Variants in DYNC1I2 observed in about 807,000 individuals in gnomAD.
DYNC1I2 encodes the protein cytoplasmic dynein 1 intermediate chain 2.
In DYNC1I2, 53 loss-of-function variants were observed where a neutral mutation model predicts 88.6. The observed-to-expected ratio is 0.60, with a 90% CI of 0.48 to 0.75. DYNC1I2 has a LOEUF of 0.75. Ranked by LOEUF, DYNC1I2 falls within the 30% of genes least tolerant of loss-of-function variation. The probability of loss-of-function intolerance (pLI) is 0.00; values close to 1 mark genes in which losing one functional copy is unlikely to be tolerated. For missense variants in DYNC1I2, 458 were observed against 766.6 expected (o/e 0.60, Z 4.75); for synonymous variants, 198 against 254.6 (o/e 0.78, Z 2.12).
intron 5 of DYNC1I2, among the ~76,000 whole-genome samples, chr2:171,712,236 C>T (rs1249381084): frequency 6.6e-6 from 1 of 152,028 alleles, no homozygotes; most frequent in Non-Finnish European, 1.5e-5. Flanking sequence ...ATTTTGTATC[C>T]CAGTGGGATA....
intron 5 of DYNC1I2, among the ~76,000 whole-genome samples, chr2:171,708,040 A>G (rs931100508): frequency 7.4e-5 from 11 of 147,970 alleles, no homozygotes; most frequent in African/African-American, 2.2e-4. Flanking sequence ...TGGGAAAAGT[A>G]TTACTACTTA....
At chr2:171,744,816 A>G (rs948983300) in intron 16 of DYNC1I2, among the ~76,000 whole-genome samples, 1 of 152,176 alleles carries the variant, frequency 6.6e-6, no homozygotes, top group African/African-American at 2.4e-5. Context: ...AGAGAAGCTT[A>G]AAAATGTTCT....
chr2:171,706,025 T>G (rs1189771537), intron 3 of DYNC1I2, among the ~76,000 whole-genome samples: 2 of 152,100 alleles, frequency 1.3e-5, no homozygotes, highest in African/African-American at 4.8e-5. Flanking sequence ...TCATAATATA[T>G]TATACATTTT....
chr2:171,742,167 TTTTTTTTA>T (rs1559409020), intron 15 of DYNC1I2, among the ~76,000 whole-genome samples: 1 of 151,804 alleles, frequency 6.6e-6, no homozygotes, highest in African/African-American at 2.4e-5. Flanking sequence ...TCCAACTTTA[TTTTTTTTA>T]TTTTTTTATT....
intron 7 of DYNC1I2, among the ~76,000 whole-genome samples, chr2:171,723,228 G>T (rs140256428): frequency 6.6e-6 from 1 of 152,222 alleles, no homozygotes; most frequent in African/African-American, 2.4e-5. Context: ...AGTTGAAGGA[G>T]GAGAATAAGA....
At chr2:171,707,717 G>A (rs1686792603) in intron 5 of DYNC1I2, among the ~76,000 whole-genome samples, 1 of 152,066 alleles carries the variant, frequency 6.6e-6, no homozygotes, top group Admixed American at 6.6e-5. Flanking sequence ...GGTGTAAATA[G>A]TGTAAAACCT....
chr2:171,709,947 C>T (rs1339180143), intron 5 of DYNC1I2, among the ~76,000 whole-genome samples: 1 of 152,046 alleles, frequency 6.6e-6, no homozygotes, highest in African/African-American at 2.4e-5. Context: ...GAACTCCTGA[C>T]CTCAGGTGAT....
At chr2:171,713,260 A>G (rs1687254777) in intron 6 of DYNC1I2, among the ~76,000 whole-genome samples, 1 of 152,110 alleles carries the variant, frequency 6.6e-6, no homozygotes, top group Non-Finnish European at 1.5e-5. Context: ...ATTACTATTT[A>G]TTCATGAATC....
intron 15 of DYNC1I2, among the ~76,000 whole-genome samples, chr2:171,732,672 A>G (rs1688701297): frequency 6.6e-6 from 1 of 152,210 alleles, no homozygotes. Flanking sequence ...AGATAAACCT[A>G]TAAAACCAAA....
intron 15 of DYNC1I2, among the ~76,000 whole-genome samples, chr2:171,735,797 A>G (rs529483634): frequency 6.6e-6 from 1 of 152,230 alleles, no homozygotes; most frequent in Non-Finnish European, 1.5e-5. Context: ...TAGATTCACT[A>G]AATGTTCTAC....
intron 10 of DYNC1I2, 42 bp downstream of exon 10, chr2:171,726,335 A>T: frequency 7.5e-7 from 1 of 1,334,818 alleles, no homozygotes; most frequent in Non-Finnish European, 1.0e-6. Context: ...TCATTTTTAA[A>T]ATTATAATTA....
At position 171,725,960 on chromosome 2, in the gene DYNC1I2, T is replaced by G. The variant is rs1426256839; in HGVS notation, c.649T>G (p.Leu217Val). The G allele has an allele frequency of 6.3e-7, 1 of 1,588,382 alleles. No homozygotes were observed. The highest frequency in any genetic ancestry group is 8.5e-7 in the Non-Finnish European group (1 of 1,173,174). Reference sequence around the variant, plus strand: ...GACTGAAGAAGAAAAGCAACAAATCTTGCACTCTGAGGAATTTTTAAGTTT... The same window carrying G: ...GACTGAAGAAGAAAAGCAACAAATCGTGCACTCTGAGGAATTTTTAAGTTT... Reference protein sequence around the residue: ...ELTEEEKQQILHSEEFLSFFD... With the variant: ...ELTEEEKQQIVHSEEFLSFFD... Residue 217 changes from leucine to valine, a missense_variant, in exon 9 of 18, where the codon TTG (leucine) becomes GTG (valine). This residue lies in a region of DYNC1I2 where 203 missense variants were observed against 354.2 expected (regional missense o/e 0.57). Coordinates refer to ENST00000397119, the MANE Select transcript of DYNC1I2 (RefSeq NM_001378.3).
chr2:171,704,193 A>G (rs1339453732), intron 3 of DYNC1I2, among the ~76,000 whole-genome samples: 1 of 152,200 alleles, frequency 6.6e-6, no homozygotes, highest in Non-Finnish European at 1.5e-5. Flanking sequence ...AGAAGCCAGC[A>G]GTGTTAATTT....
chr2:171,689,999 G>T, intron 1 of DYNC1I2, 148 bp from the exon 2 acceptor site: 1 of 372,154 alleles, frequency 2.7e-6, no homozygotes, highest in Non-Finnish European at 4.8e-6. Context: ...GTAAGCTACT[G>T]CCCAGCCCCA....
intron 2 of DYNC1I2, 97 bp downstream of exon 2, chr2:171,690,360 C>A: frequency 3.4e-6 from 3 of 880,886 alleles, no homozygotes; most frequent in Non-Finnish European, 3.4e-6. Context: ...CAAAAGTAAT[C>A]GTGGTTAAAA....
rs773407614 is a variant in DYNC1I2, at chr2:171,726,901, T to C, written c.981T>C (p.Tyr327=). 1.4e-5 allele frequency: 22 copies of C among 1,608,914 alleles called. No homozygotes were observed. In the Admixed American group the frequency reaches 2.2e-4, roughly 16 times the overall value. The change falls in exon 11 of 18, where the codon TAT becomes TAC. Residue 327 remains tyrosine (Y), a synonymous_variant. Coordinates refer to ENST00000397119, the MANE Select transcript of DYNC1I2 (RefSeq NM_001378.3). ...NMKYKKTTPE[Y]VFHCQSAVMS... ...AATACAAAAAAACTACCCCAGAGTA[T>C]GTGTTTCACTGCCAGGTATGGTGGT...
intron 9 of DYNC1I2, 24 bp from the exon 10 acceptor site, chr2:171,726,170 G>T (rs769686099): frequency 4.4e-6 from 7 of 1,591,250 alleles, no homozygotes; most frequent in Non-Finnish European, 6.0e-6. Context: ...CCATCTTTTT[G>T]GGGGGTTTGG....
At position 171,728,800 on chromosome 2, in the gene DYNC1I2, T is replaced by C. The variant is rs1372596025; in HGVS notation, c.1341T>C (p.Phe447=). 1 of 1,611,208 alleles carries C rather than the reference T, an allele frequency of 6.2e-7. No homozygotes were observed. Residue 447 remains phenylalanine (F), a synonymous_variant, in exon 14 of 18, where the codon TTT becomes TTC. Transcript: ENST00000397119. ...MSFPVGDVNN[F]VVGSEEGSVY... is the part of the protein sequence containing the mutation. ...TCCCTGTTGGAGATGTCAACAACTT[T>C]GTTGTTGGGAGTGAAGAAGGTTCTG...
At position 171,748,921 on chromosome 2, in the gene DYNC1I2, C is replaced by G. The variant is rs1277185104; in HGVS notation, c.*1032C>G. Among the ~76,000 whole-genome samples the G allele has an allele frequency of 6.6e-6, 1 of 152,186 alleles. No individual in the cohort carries two copies. The highest frequency in any genetic ancestry group is 2.4e-5 in the African/African-American group (1 of 41,448). On this transcript the variant is annotated 3_prime_UTR_variant, in exon 18 of 18. Transcript: ENST00000397119. ...AATATCTAAGAATCAGTATTGAAAT[C>G]AGTGAATTTCAGGAATAGAGGAAAG...
Sources: allele counts gnomAD v4.1 joint callset (sites outside exome capture counted in the v4.1 genomes callset), GRCh38; gene constraint gnomAD v4.1.1; regional missense constraint gnomAD v4.1.1; transcripts MANE v1.5; gene names NCBI Gene and HGNC (gene_info 2026-07-23, HGNC 2026-07-21).